The following NXPH2 variants were observed in gnomAD, a reference collection of about 807,000 sequenced individuals.
NXPH2 encodes the protein neurexophilin 2, also known as neurexophilin-2.
In NXPH2, 5 loss-of-function variants were observed where a neutral mutation model predicts 19.8. That is an observed-to-expected ratio of 0.25 (90% CI 0.13 to 0.53). The LOEUF is 0.53. NXPH2 is among the 20% of genes least tolerant of loss of function. The probability of loss-of-function intolerance (pLI) is 0.96; values close to 1 mark genes in which losing one functional copy is unlikely to be tolerated. For synonymous variants in NXPH2, 154 were observed against 127.4 expected (o/e 1.21, Z -1.41); for missense variants, 289 against 322.8 (o/e 0.90, Z 0.80).
chr2:138,746,444 T>C (rs963987451), intron 1 of NXPH2, among the ~76,000 whole-genome samples: 1 of 152,228 alleles, frequency 6.6e-6, no homozygotes, highest in Non-Finnish European at 1.5e-5. Flanking sequence ...CCCTCGTGCC[T>C]GGCTCCAGCC....
chr2:138,779,208 A>G (rs570425218), intron 1 of NXPH2, among the ~76,000 whole-genome samples: 4 of 152,198 alleles, frequency 2.6e-5, no homozygotes, highest in Non-Finnish European at 5.9e-5. Flanking sequence ...ATCAGGAGAA[A>G]GCCCTCTTAA....
At chr2:138,730,080 G>A (rs1299546774) in intron 1 of NXPH2, among the ~76,000 whole-genome samples, 1 of 152,014 alleles carries the variant, frequency 6.6e-6, no homozygotes, top group African/African-American at 2.4e-5. Context: ...TCATCCCTTG[G>A]TCTGTATTGT....
At chr2:138,695,375 A>G (rs1477550920) in intron 1 of NXPH2, among the ~76,000 whole-genome samples, 1 of 152,206 alleles carries the variant, frequency 6.6e-6, no homozygotes. Flanking sequence ...TAGCATTTCT[A>G]TGAGTAAATT....
intron 1 of NXPH2, among the ~76,000 whole-genome samples, chr2:138,676,519 G>T (rs1230076015): frequency 6.6e-6 from 1 of 152,060 alleles, no homozygotes; most frequent in Non-Finnish European, 1.5e-5. Context: ...AGCCTGATAT[G>T]ATGTTTCCAT....
chr2:138,702,451 T>G (rs575655470), intron 1 of NXPH2, among the ~76,000 whole-genome samples: 1 of 152,298 alleles, frequency 6.6e-6, no homozygotes, highest in East Asian at 1.9e-4. Flanking sequence ...ATTCCATACT[T>G]AGGTCCTGAC....
intron 1 of NXPH2, among the ~76,000 whole-genome samples, chr2:138,699,653 T>C (rs1680888413): frequency 6.6e-6 from 1 of 152,090 alleles, no homozygotes; most frequent in Admixed American, 6.5e-5. Context: ...CAGGCCTTGC[T>C]GGGCCAGGCT....
At chr2:138,768,020 C>T (rs1239049623) in intron 1 of NXPH2, among the ~76,000 whole-genome samples, 1 of 152,050 alleles carries the variant, frequency 6.6e-6, no homozygotes, top group East Asian at 1.9e-4. Flanking sequence ...TTTATTTTGT[C>T]AGTTATAAAT....
intron 1 of NXPH2, among the ~76,000 whole-genome samples, chr2:138,723,169 C>G (rs1369840383): frequency 1.3e-5 from 2 of 152,066 alleles, no homozygotes; most frequent in Non-Finnish European, 2.9e-5. Context: ...GACAAGCAAG[C>G]AAGCAAGCAA....
At position 138,760,283 on chromosome 2, in the gene NXPH2, G is replaced by A. The variant is rs923204865; in HGVS notation, c.51+19908C>T. ...GCAATAAGACACTCATCTGCAAACC[G>A]TCTCCATTGCTCCCTGTTGTATACC... is the stretch of plus-strand genomic sequence containing the variant. On this transcript the variant is annotated intron_variant, in intron 1 of 1. Coordinates refer to ENST00000272641, the MANE Select transcript of NXPH2 (RefSeq NM_007226.3). Among the ~76,000 whole-genome samples the A allele has an allele frequency of 3.9e-5, 6 of 152,082 alleles. 1 individual carries two copies. The highest frequency in any genetic ancestry group is 4.1e-4 in the South Asian group (2 of 4,830).
At chr2:138,760,051 T>C (rs1405366004) in intron 1 of NXPH2, among the ~76,000 whole-genome samples, 1 of 152,082 alleles carries the variant, frequency 6.6e-6, no homozygotes, top group Non-Finnish European at 1.5e-5. Flanking sequence ...CTATAAAGTG[T>C]TTAAGAATCA....
intron 1 of NXPH2, among the ~76,000 whole-genome samples, chr2:138,733,469 T>C (rs1681483194): frequency 6.6e-6 from 1 of 152,134 alleles, no homozygotes; most frequent in African/African-American, 2.4e-5. Flanking sequence ...AGTTAATATT[T>C]CAGGTAACAT....
Position 138,780,370 on chromosome 2 carries a change from T to C in NXPH2, c.-129A>G. 6.9e-6 allele frequency: 2 copies of C among 287,910 alleles called. No individual in the cohort carries two copies. Among genetic ancestry groups the C allele is most frequent in the Non-Finnish European group, 1.1e-5 (2 of 183,446 alleles). 17.8% of individuals were successfully genotyped at this position (287,910 alleles called of 1,614,324 possible). A position where few individuals can be genotyped will look rare whatever the true frequency, so the allele number is the denominator to read the frequency against. On this transcript the variant is annotated 5_prime_UTR_variant, in exon 1 of 2. Transcript: ENST00000272641. ...CGCTTCCCTCCCGGAATCCGAGCGCTGCGCCGTGCCGCGCAGCTCTGGCCG... is the reference window on the plus strand; with the variant it reads ...CGCTTCCCTCCCGGAATCCGAGCGCCGCGCCGTGCCGCGCAGCTCTGGCCG...
chr2:138,683,035 C>T (rs185682190), intron 1 of NXPH2, among the ~76,000 whole-genome samples: 74 of 152,220 alleles, frequency 4.9e-4, no homozygotes, highest in Non-Finnish European at 9.1e-4. Flanking sequence ...AAATTATGAA[C>T]GGGCTGGAAA....
intron 1 of NXPH2, among the ~76,000 whole-genome samples, chr2:138,730,767 G>C (rs1681435736): frequency 6.6e-6 from 1 of 152,128 alleles, no homozygotes. Context: ...TGTAAAATGT[G>C]AAACAGAGAA....
chr2:138,691,336 C>G (rs946417806), intron 1 of NXPH2, among the ~76,000 whole-genome samples: 4 of 152,126 alleles, frequency 2.6e-5, no homozygotes, highest in Admixed American at 6.5e-5. Flanking sequence ...TCTAGTATCA[C>G]TATAGGGAGT....
At chr2:138,711,144 A>ATTTTTTTTTTT (rs1681099881) in intron 1 of NXPH2, among the ~76,000 whole-genome samples, 2 of 24,638 alleles carry the variant, frequency 8.1e-5, no homozygotes, top group Admixed American at 5.0e-4. Context: ...CATTTCTATC[A>ATTTTTTTTTTT]CTTTTTTTTT....
rs1262796814 is a variant in NXPH2, at chr2:138,744,116, C to T, written c.51+36075G>A. 4.4e-4 allele frequency among the ~76,000 whole-genome samples: 67 copies of T among 151,814 alleles called. 1 individual carries two copies. Among genetic ancestry groups the T allele is most frequent in the Admixed American group, 4.4e-3 (67 of 15,230 alleles). ...ACTCGCTTTAAGAACATTACTCCAT[C>T]CTCATTATTAGTAGAGGGGTGATTT... On this transcript the variant is annotated intron_variant, in intron 1 of 1. Coordinates refer to ENST00000272641, the MANE Select transcript of NXPH2 (RefSeq NM_007226.3).
At chr2:138,684,120 C>T (rs1680614630) in intron 1 of NXPH2, among the ~76,000 whole-genome samples, 1 of 152,118 alleles carries the variant, frequency 6.6e-6, no homozygotes, top group Admixed American at 6.6e-5. Flanking sequence ...CACAAATAAC[C>T]TCATTTGATT....
chr2:138,719,225 TC>T lies in NXPH2; in HGVS notation c.52-47561del, dbSNP rs369593512. ...CTATATATATTTTTGTGGAAGATTATCCACAATTATATATACTTAAGGTAAA... is the reference window on the plus strand; with the variant it reads ...CTATATATATTTTTGTGGAAGATTATCACAATTATATATACTTAAGGTAAA... On this transcript the variant is annotated intron_variant, in intron 1 of 1. Coordinates refer to ENST00000272641, the MANE Select transcript of NXPH2 (RefSeq NM_007226.3). Among the ~76,000 whole-genome samples, 211 of 152,242 alleles carry T rather than the reference TC, an allele frequency of 1.4e-3. 3 individuals carry two copies. The highest frequency in any genetic ancestry group is 4.9e-3 in the African/African-American group (202 of 41,554).
Sources: gnomAD v4.1 joint callset for allele counts (sites outside exome capture counted in the v4.1 genomes callset) on GRCh38, gnomAD v4.1.1 for gene constraint, MANE v1.5 for transcripts, NCBI Gene and HGNC (gene_info 2026-07-23, HGNC 2026-07-21) for gene names.